Variants in ATXN1 observed in about 807,000 individuals in gnomAD.
ATXN1 encodes the protein ataxin-1.
A neutral mutation model predicts 56.4 loss-of-function variants in ATXN1; 8 were observed. That is an observed-to-expected ratio of 0.14 (90% CI 0.08 to 0.26). The LOEUF is 0.26. Among genes scored for constraint, ATXN1 ranks in the 10% least tolerant of loss-of-function variants. The pLI is 1.00. For synonymous variants in ATXN1, 514 were observed against 494.6 expected (o/e 1.04, Z -0.52); for missense variants, 987 against 1,106.5 (o/e 0.89, Z 1.53).
Position 16,326,646 on chromosome 6 carries a change from A to G in ATXN1, c.1665T>C (p.Pro555=). The G allele has an allele frequency of 6.2e-7, 1 of 1,613,764 alleles. No homozygotes were observed. The highest frequency in any genetic ancestry group is 8.5e-7 in the Non-Finnish European group (1 of 1,180,030). Residue 555 remains proline, a synonymous_variant, in exon 7 of 8, where the codon CCT becomes CCC. Transcript: ENST00000436367. This position sits in a 1 kb window ranked among gnomAD's most constrained non-coding sequence, Gnocchi z 6.6. ...PAMVQAQIHL[P]VVQSVASPAA... ...CCGGGGAGGCCACGGACTGCACCAC[A>G]GGCAGGTGGATCTGGGCCTGCACCA...
intron 6 of ATXN1, among the ~76,000 whole-genome samples, chr6:16,383,261 A>G (rs1384242584): frequency 6.6e-6 from 1 of 152,146 alleles, no homozygotes; most frequent in Non-Finnish European, 1.5e-5. Flanking sequence ...TTTTTCTTTA[A>G]TTCATGGAAC....
At chr6:16,471,710 TGA>T (rs1491552746) in intron 6 of ATXN1, among the ~76,000 whole-genome samples, 8 of 151,658 alleles carry the variant, frequency 5.3e-5, no homozygotes, top group East Asian at 1.9e-4. Context: ...TGTGTGTGTG[TGA>T]GACAGAAAGA....
chr6:16,633,619 C>A (rs376326001), intron 3 of ATXN1, among the ~76,000 whole-genome samples: 8 of 152,106 alleles, frequency 5.3e-5, no homozygotes, highest in African/African-American at 1.7e-4. Flanking sequence ...TCCTGCCTTG[C>A]GAGAGTGTGT....
chr6:16,329,106 T>C (rs180925494), intron 6 of ATXN1, among the ~76,000 whole-genome samples: 1 of 152,212 alleles, frequency 6.6e-6, no homozygotes, highest in East Asian at 1.9e-4. Flanking sequence ...TTTTTTCTCC[T>C]TTTCTTCTTC....
At chr6:16,627,730 G>GCAAA (rs1243898927) in intron 3 of ATXN1, among the ~76,000 whole-genome samples, 1 of 152,036 alleles carries the variant, frequency 6.6e-6, no homozygotes, top group South Asian at 2.1e-4. Context: ...CCATCTCAAA[G>GCAAA]CAAACAAACA....
chr6:16,336,299 C>G (rs1437632575), intron 6 of ATXN1, among the ~76,000 whole-genome samples: 4 of 152,092 alleles, frequency 2.6e-5, no homozygotes, highest in Non-Finnish European at 5.9e-5. Context: ...GCAAATATGC[C>G]TATTTATTTT....
chr6:16,521,680 C>T (rs1353796723), intron 5 of ATXN1, among the ~76,000 whole-genome samples: 5 of 152,354 alleles, frequency 3.3e-5, no homozygotes, highest in South Asian at 4.1e-4. Flanking sequence ...CAGACAACCG[C>T]GAGTCGGGTG....
rs1174959883 is a variant in ATXN1 at position 16,493,446 on chromosome 6, GTTT to G, written c.-298-7340_-298-7338del. 5.3e-3 allele frequency among the ~76,000 whole-genome samples: 609 copies of G among 115,450 alleles called. 3 individuals are homozygous for G. Among genetic ancestry groups the G allele is most frequent in the African/African-American group, 0.016 (520 of 31,862 alleles). 75.7% of individuals were successfully genotyped at this position (115,450 alleles called of 152,430 possible). ...TATTCTACAACTTTCTCAATCAGAA[GTTT>G]TTTTTTTTTTTTTTTTGGTTGTTTT... On this transcript the variant is annotated intron_variant, in intron 5 of 7. Transcript: ENST00000436367.
intron 6 of ATXN1, among the ~76,000 whole-genome samples, chr6:16,382,916 G>A (rs1758160762): frequency 6.6e-6 from 1 of 151,770 alleles, no homozygotes; most frequent in Non-Finnish European, 1.5e-5. Context: ...GGGGGAGTGG[G>A]GAGGGTGGAA....
Position 16,344,973 on chromosome 6 carries a change from T to G in ATXN1, c.-160-16503A>C, listed in dbSNP as rs115620347. ...GTCATTAGACCGTAAACTCCGATGCTGCTTAGAGACTGAAGTTCACAACCC... is the reference window on the plus strand; with the variant it reads ...GTCATTAGACCGTAAACTCCGATGCGGCTTAGAGACTGAAGTTCACAACCC... On this transcript the variant is annotated intron_variant, in intron 6 of 7. Coordinates refer to ENST00000436367, the MANE Select transcript of ATXN1 (RefSeq NM_001128164.2). 4.0e-3 allele frequency among the ~76,000 whole-genome samples: 608 copies of G among 152,334 alleles called. 5 individuals are homozygous for G. Among genetic ancestry groups the G allele is most frequent in the African/African-American group, 0.014 (583 of 41,586 alleles).
At chr6:16,496,167 A>G (rs1487917936) in intron 5 of ATXN1, among the ~76,000 whole-genome samples, 1 of 152,180 alleles carries the variant, frequency 6.6e-6, no homozygotes, top group East Asian at 1.9e-4. Flanking sequence ...TTTCTGACTC[A>G]ATCAGAACAA....
At chr6:16,729,488 T>A (rs184339549) in intron 2 of ATXN1, among the ~76,000 whole-genome samples, 1 of 152,236 alleles carries the variant, frequency 6.6e-6, no homozygotes, top group Non-Finnish European at 1.5e-5. Flanking sequence ...CTGAATAACA[T>A]TCAAAGCCTG....
intron 6 of ATXN1, among the ~76,000 whole-genome samples, chr6:16,413,012 G>T (rs1176976383): frequency 1.3e-5 from 2 of 152,176 alleles, no homozygotes; most frequent in Admixed American, 6.5e-5. Flanking sequence ...GGGTGATGAG[G>T]TCTCTATCTA....
At position 16,327,781 on chromosome 6, in the gene ATXN1, T is replaced by A. The variant is rs201684722; in HGVS notation, c.530A>T (p.Tyr177Phe). The change falls in exon 7 of 8, where the codon TAT becomes TTT. Residue 177 changes from tyrosine (Y) to phenylalanine (F), a missense_variant. Physicochemically the swap from Tyr to Phe is conservative, Grantham distance 22. This residue lies in a region of ATXN1 where 723 missense variants were observed against 791.7 expected (regional missense o/e 0.91). Transcript: ENST00000436367. ...GCCCATGTTGGCCAGCAGAGTGGAATAGGCCTCCAGCTGGGAGCGCTGGGA... is the reference window on the plus strand; with the variant it reads ...GCCCATGTTGGCCAGCAGAGTGGAAAAGGCCTCCAGCTGGGAGCGCTGGGA... Reference protein sequence around the residue: ...TPSQRSQLEAYSTLLANMGSL... With the variant: ...TPSQRSQLEAFSTLLANMGSL... 2 of 1,609,904 alleles carry A rather than the reference T, an allele frequency of 1.2e-6. No individual in the cohort carries two copies. The highest frequency in any genetic ancestry group is 1.1e-5 in the South Asian group (1 of 91,076).
chr6:16,444,841 C>G (rs1561898630), intron 6 of ATXN1, among the ~76,000 whole-genome samples: 1 of 152,170 alleles, frequency 6.6e-6, no homozygotes, highest in South Asian at 2.1e-4. Flanking sequence ...AAATACACAA[C>G]ACAACACCAA....
chr6:16,563,774 G>C (rs1400428448), intron 4 of ATXN1, among the ~76,000 whole-genome samples: 4 of 151,794 alleles, frequency 2.6e-5, no homozygotes, highest in Non-Finnish European at 5.9e-5. Flanking sequence ...GAAGGGTCAG[G>C]TTAAACTTAA....
chr6:16,327,799 C>T lies in ATXN1; in HGVS notation c.512G>A (p.Arg171His), dbSNP rs549244231. ...AGTGGAATAGGCCTCCAGCTGGGAG[C>T]GCTGGGATGGAGTGGTGGCCCCTGC... ...SAAGATTPSQRSQLEAYSTLL... is the reference protein window; with the variant it reads ...SAAGATTPSQHSQLEAYSTLL... Residue 171 changes from arginine to histidine, a missense_variant, in exon 7 of 8, where the codon CGC becomes CAC. This residue lies in a region of ATXN1 where 723 missense variants were observed against 791.7 expected (regional missense o/e 0.91). Coordinates refer to ENST00000436367, the MANE Select transcript of ATXN1 (RefSeq NM_001128164.2). 25 of 1,609,764 alleles carry T rather than the reference C, an allele frequency of 1.6e-5. No individual in the cohort carries two copies. The highest frequency in any genetic ancestry group is 3.3e-5 in the Admixed American group (2 of 60,006).
intron 6 of ATXN1, among the ~76,000 whole-genome samples, chr6:16,337,666 G>A (rs1234298844): frequency 6.6e-6 from 1 of 152,120 alleles, no homozygotes; most frequent in Non-Finnish European, 1.5e-5. Context: ...GCTTTAAAGC[G>A]TAGTGCATTC....
intron 6 of ATXN1, among the ~76,000 whole-genome samples, chr6:16,349,831 T>C (rs1761530465): frequency 6.6e-6 from 1 of 152,240 alleles, no homozygotes; most frequent in South Asian, 2.1e-4. Flanking sequence ...TCAAATGTGC[T>C]CATGTTTTCA....
Sources: allele counts gnomAD v4.1 joint callset (sites outside exome capture counted in the v4.1 genomes callset), GRCh38; gene constraint gnomAD v4.1.1; regional missense constraint gnomAD v4.1.1; non-coding constraint Gnocchi (gnomAD v3.1); transcripts MANE v1.5; gene names NCBI Gene and HGNC (gene_info 2026-07-23, HGNC 2026-07-21).